Variants in ZPLD1 observed in about 807,000 individuals in gnomAD.
ZPLD1 encodes the protein zona pellucida like domain containing 1, also known as zona pellucida-like domain-containing protein 1.
A neutral mutation model predicts 47.2 loss-of-function variants in ZPLD1; 34 were observed. The observed-to-expected ratio is 0.72, with a 90% CI of 0.55 to 0.96. The LOEUF (loss-of-function observed/expected upper bound fraction) is 0.96, where lower values mean the gene tolerates loss of function less well. ZPLD1 is among the 40% of genes least tolerant of loss of function. ZPLD1 has a pLI of 0.00. For synonymous variants in ZPLD1, 176 were observed against 186.2 expected (o/e 0.95, Z 0.45); for missense variants, 512 against 505.8 (o/e 1.01, Z -0.12).
intron 10 of ZPLD1, among the ~76,000 whole-genome samples, chr3:102,470,725 TACACACACACAC>T (rs149917091): frequency 6.7e-6 from 1 of 148,780 alleles, no homozygotes; most frequent in East Asian, 2.0e-4. Flanking sequence ...CACACACACA[TACACACACACAC>T]ACACACACAC....
chr3:102,434,387 T>C (rs1405450620), upstream of ZPLD1, among the ~76,000 whole-genome samples: 1 of 152,206 alleles, frequency 6.6e-6, no homozygotes, highest in Non-Finnish European at 1.5e-5. Flanking sequence ...GATTTATATG[T>C]TGGAAGAAGT....
intron 7 of ZPLD1, among the ~76,000 whole-genome samples, chr3:102,395,610 A>G (rs1338767224): frequency 2.0e-5 from 3 of 152,162 alleles, no homozygotes; most frequent in African/African-American, 7.2e-5. Context: ...TGGGCTTCTG[A>G]ACTCTAGAAC....
chr3:102,458,389 CA>C (rs1434690564), intron 6 of ZPLD1, among the ~76,000 whole-genome samples: 3 of 152,090 alleles, frequency 2.0e-5, no homozygotes, highest in African/African-American at 7.2e-5. Flanking sequence ...ACATTGGCAG[CA>C]AAACGTGAAA....
At chr3:102,417,245 C>T (rs1355319860) in intron 7 of ZPLD1, among the ~76,000 whole-genome samples, 1 of 151,956 alleles carries the variant, frequency 6.6e-6, no homozygotes, top group Non-Finnish European at 1.5e-5. Context: ...TAATATAAAT[C>T]AATACAAAAG....
intron 6 of ZPLD1, among the ~76,000 whole-genome samples, chr3:102,385,970 T>C: frequency 6.6e-6 from 1 of 152,150 alleles, no homozygotes; most frequent in East Asian, 1.9e-4. Flanking sequence ...ACCTCTCTGC[T>C]CTCCACTGGA....
chr3:102,459,517 C>T (rs890109183), intron 6 of ZPLD1, among the ~76,000 whole-genome samples: 2 of 152,092 alleles, frequency 1.3e-5, no homozygotes, highest in African/African-American at 4.8e-5. Flanking sequence ...AGAGATGGTA[C>T]TGTAGTTCTG....
At chr3:102,434,660 A>G (rs1273969300), upstream of ZPLD1, among the ~76,000 whole-genome samples, 1 of 152,176 alleles carries the variant, frequency 6.6e-6, no homozygotes, top group Non-Finnish European at 1.5e-5. Context: ...CAAGGCCATT[A>G]TCATCTCAGA....
chr3:102,455,036 GA>G (rs1707391338), intron 4 of ZPLD1, among the ~76,000 whole-genome samples: 1 of 152,062 alleles, frequency 6.6e-6, no homozygotes, highest in African/African-American at 2.4e-5. Flanking sequence ...TCCTTCATGG[GA>G]AAAAAATTAA....
At chr3:102,385,510 A>G (rs1293011962) in intron 6 of ZPLD1, among the ~76,000 whole-genome samples, 1 of 152,228 alleles carries the variant, frequency 6.6e-6, no homozygotes, top group Non-Finnish European at 1.5e-5. Flanking sequence ...TCCTTGTAGT[A>G]TTTATGAATA....
intron 8 of ZPLD1, among the ~76,000 whole-genome samples, chr3:102,421,387 T>A (rs1706877656): frequency 6.6e-6 from 1 of 151,876 alleles, no homozygotes. Flanking sequence ...ATGATTTTCA[T>A]GTAATAAGTT....
intron 7 of ZPLD1, among the ~76,000 whole-genome samples, chr3:102,397,475 ACTGCCCCGCT>A (rs1291609652): frequency 6.6e-6 from 1 of 152,258 alleles, no homozygotes; most frequent in East Asian, 1.9e-4. Flanking sequence ...GTCAACCAGT[ACTGCCCCGCT>A]GCTCAAAAAT....
chr3:102,426,583 G>A (rs1706951162), intron 8 of ZPLD1, among the ~76,000 whole-genome samples: 1 of 151,372 alleles, frequency 6.6e-6, no homozygotes, highest in Non-Finnish European at 1.5e-5. Flanking sequence ...AATTTCCAAT[G>A]TAAAGATTTG....
Position 102,436,034 on chromosome 3 carries a change from C to A in ZPLD1, c.-122-826C>A, listed in dbSNP as rs79870414. Among the ~76,000 whole-genome samples, 942 of 152,292 alleles carry A rather than the reference C, an allele frequency of 6.2e-3. 16 individuals carry two copies. Among genetic ancestry groups the A allele is most frequent in the African/African-American group, 0.022 (896 of 41,562 alleles). The stretch of plus-strand genomic sequence containing the variant: ...GCTAACATAAAAATCAATATATTTT[C>A]TGTTAAAGAAAGCTGCCTTCTACTT... On this transcript the variant is annotated intron_variant, in intron 1 of 11. Transcript: ENST00000466937.
intron 6 of ZPLD1, among the ~76,000 whole-genome samples, chr3:102,387,562 T>C (rs1706437290): frequency 6.6e-6 from 1 of 152,174 alleles, no homozygotes. Context: ...TGGATCAAAG[T>C]TGAAATCCTG....
At position 102,468,210 on chromosome 3, in the gene ZPLD1, A is replaced by G. The variant is rs945425177; in HGVS notation, c.762-754A>G. 7.2e-5 allele frequency among the ~76,000 whole-genome samples: 11 copies of G among 152,298 alleles called. No individual in the cohort carries two copies. The East Asian group carries it at 1.9e-3, about 27-fold the overall frequency. On this transcript the variant is annotated intron_variant, in intron 8 of 11. Coordinates refer to ENST00000466937, the MANE Select transcript of ZPLD1 (RefSeq NM_001329788.2). ...CTGGAGAAGTAAGCATTGTTTTCATATATTGCTTGTGAAGTCCAAAATTGA... is the reference window on the plus strand; with the variant it reads ...CTGGAGAAGTAAGCATTGTTTTCATGTATTGCTTGTGAAGTCCAAAATTGA...
At chr3:102,456,861 T>A (rs1707425178) in intron 5 of ZPLD1, among the ~76,000 whole-genome samples, 1 of 152,248 alleles carries the variant, frequency 6.6e-6, no homozygotes, top group African/African-American at 2.4e-5. Flanking sequence ...ATTCCTCTGT[T>A]GAGCTGTCAC....
At chr3:102,395,597 A>G (rs1458586918) in intron 7 of ZPLD1, among the ~76,000 whole-genome samples, 1 of 152,140 alleles carries the variant, frequency 6.6e-6, no homozygotes, top group Non-Finnish European at 1.5e-5. Flanking sequence ...CATAAGATCA[A>G]TTTGGGCTTC....
chr3:102,404,409 A>G (rs143204442), intron 7 of ZPLD1, among the ~76,000 whole-genome samples: 1 of 152,058 alleles, frequency 6.6e-6, no homozygotes, highest in East Asian at 1.9e-4. Context: ...CTGCCTGGAT[A>G]CTCTGCCTTC....
intron 7 of ZPLD1, among the ~76,000 whole-genome samples, chr3:102,406,636 T>G (rs1264328038): frequency 6.6e-6 from 1 of 151,984 alleles, no homozygotes; most frequent in African/African-American, 2.4e-5. Context: ...TCTCCTCAAA[T>G]TCTAGGTAAT....
Sources: allele counts gnomAD v4.1 joint callset (sites outside exome capture counted in the v4.1 genomes callset), GRCh38; gene constraint gnomAD v4.1.1; transcripts MANE v1.5; gene names NCBI Gene and HGNC (gene_info 2026-07-23, HGNC 2026-07-21).